ELOVL6: variants seen among roughly 807,000 people sequenced by gnomAD.
The protein encoded by ELOVL6 is ELOVL fatty acid elongase 6, also known as very long chain fatty acid elongase 6.
A neutral mutation model predicts 31.7 loss-of-function variants in ELOVL6; 8 were observed. That is an observed-to-expected ratio of 0.25 (90% confidence interval 0.15 to 0.45). ELOVL6 has a LOEUF of 0.45. Ranked by LOEUF, ELOVL6 falls within the 20% of genes least tolerant of loss-of-function variation. ELOVL6 has a pLI of 1.00. For missense variants in ELOVL6, 126 were observed against 326.4 expected (o/e 0.39, Z 4.73); for synonymous variants, 101 against 117.7 (o/e 0.86, Z 0.92).
At chr4:110,193,510 CATAAG>C (rs903561405) in intron 1 of ELOVL6, among the ~76,000 whole-genome samples, 2 of 152,062 alleles carry the variant, frequency 1.3e-5, no homozygotes, top group African/African-American at 2.4e-5. Flanking sequence ...GAGGTTGAGA[CATAAG>C]AATCACTGGA....
intron 2 of ELOVL6, among the ~76,000 whole-genome samples, chr4:110,089,686 A>T (rs1221541217): frequency 6.6e-6 from 1 of 150,438 alleles, no homozygotes; most frequent in Non-Finnish European, 1.5e-5. Context: ...AATATATGAG[A>T]TCCTTGCCCA....
At chr4:110,070,190 C>A (rs1182666439) in intron 2 of ELOVL6, among the ~76,000 whole-genome samples, 2 of 152,178 alleles carry the variant, frequency 1.3e-5, no homozygotes, top group African/African-American at 4.8e-5. Context: ...CAAATGAATA[C>A]TGATTTCAAC....
intron 1 of ELOVL6, among the ~76,000 whole-genome samples, chr4:110,171,679 CTTTTTTTTTTTT>C (rs70956406): frequency 4.5e-5 from 3 of 66,194 alleles, no homozygotes; most frequent in East Asian, 6.8e-4. Context: ...ATAATATCCT[CTTTTTTTTTTTT>C]TTTTTTTTTT....
chr4:110,179,375 A>T (rs528816684), intron 1 of ELOVL6, among the ~76,000 whole-genome samples: 1 of 151,850 alleles, frequency 6.6e-6, no homozygotes, highest in Non-Finnish European at 1.5e-5. Flanking sequence ...GTGTGGTGGC[A>T]CATGCCTGTA....
chr4:110,130,134 G>A (rs1178982118), intron 1 of ELOVL6, among the ~76,000 whole-genome samples: 2 of 151,930 alleles, frequency 1.3e-5, no homozygotes, highest in Non-Finnish European at 2.9e-5. Flanking sequence ...TTGACCTCGT[G>A]ACCCGCCCAC....
chr4:110,138,360 A>G (rs1757864905), intron 1 of ELOVL6, among the ~76,000 whole-genome samples: 1 of 152,200 alleles, frequency 6.6e-6, no homozygotes, highest in African/African-American at 2.4e-5. Flanking sequence ...TACGCTAGGT[A>G]CTGGATACAC....
chr4:110,096,003 C>T (rs56225537), intron 2 of ELOVL6, among the ~76,000 whole-genome samples: 33,984 of 148,632 alleles, frequency 0.23, 4,385 homozygotes, highest in East Asian at 0.48. Flanking sequence ...ATGTGTCAAA[C>T]GTTTGGAAAT....
rs1756138008 is a variant in ELOVL6 at position 110,084,426 on chromosome 4, C to CATATATCATATATATCACATATATG, written c.221+21070_221+21071insCATATATGTGATATATATGATATAT. Among the ~76,000 whole-genome samples the CATATATCATATATATCACATATATG allele has an allele frequency of 8.9e-5, 6 of 67,514 alleles. No individual in the cohort carries two copies. In the East Asian group the frequency reaches 1.6e-3, roughly 18 times the overall value. 44.3% of individuals were successfully genotyped at this position (67,514 alleles called of 152,430 possible). ...GATATATGACATACATGATATATCA[C>CATATATCATATATATCACATATATG]ATATATCATATATGATATATCGCAT... On this transcript the variant is annotated intron_variant, in intron 2 of 3. Coordinates refer to ENST00000302274, the MANE Select transcript of ELOVL6 (RefSeq NM_024090.3).
intron 3 of ELOVL6, among the ~76,000 whole-genome samples, chr4:110,056,672 A>C (rs572418907): frequency 4.3e-4 from 66 of 152,298 alleles, no homozygotes; most frequent in African/African-American, 1.4e-3. Flanking sequence ...CAACACTTCA[A>C]TCTCATATTT....
At chr4:110,100,865 G>T (rs1756721383) in intron 2 of ELOVL6, among the ~76,000 whole-genome samples, 1 of 152,112 alleles carries the variant, frequency 6.6e-6, no homozygotes, top group South Asian at 2.1e-4. Flanking sequence ...CCTGAGCAAA[G>T]AATTTCTATA....
chr4:110,086,568 C>T (rs1375269184), intron 2 of ELOVL6, among the ~76,000 whole-genome samples: 2 of 152,090 alleles, frequency 1.3e-5, no homozygotes, highest in African/African-American at 4.8e-5. Context: ...ACCACTCTCC[C>T]TCAGAAGTTC....
At chr4:110,066,272 A>G (rs2126224918) in intron 2 of ELOVL6, among the ~76,000 whole-genome samples, 1 of 152,216 alleles carries the variant, frequency 6.6e-6, no homozygotes, top group South Asian at 2.1e-4. Flanking sequence ...AAAACAAATT[A>G]ATCTCAAACC....
chr4:110,058,612 G>A (rs1184294208), intron 3 of ELOVL6, among the ~76,000 whole-genome samples: 1 of 152,158 alleles, frequency 6.6e-6, no homozygotes, highest in Non-Finnish European at 1.5e-5. Context: ...CAGGTGGTTT[G>A]TAAGGAAAGT....
At chr4:110,124,458 G>C (rs142867260) in intron 1 of ELOVL6, among the ~76,000 whole-genome samples, 115 of 152,248 alleles carry the variant, frequency 7.6e-4, no homozygotes, top group African/African-American at 2.6e-3. Flanking sequence ...CACAGGAACA[G>C]AAAACCAAAC....
chr4:110,198,430 C>T lies in ELOVL6; in HGVS notation c.-95G>A. On this transcript the variant is annotated 5_prime_UTR_variant, in exon 1 of 4. Coordinates refer to ENST00000302274, the MANE Select transcript of ELOVL6 (RefSeq NM_024090.3). Reference sequence around the variant, plus strand: ...CGAGTGTTCTCCTGTCTGCTTCCCCCACCCACCCCCCTAGGTCTTCCCCAC... The same window carrying T: ...CGAGTGTTCTCCTGTCTGCTTCCCCTACCCACCCCCCTAGGTCTTCCCCAC... 1.3e-6 allele frequency: 1 copy of T among 767,148 alleles called. No individual in the cohort carries two copies. The highest frequency in any genetic ancestry group is 2.2e-6 in the Non-Finnish European group (1 of 450,598). 47.5% of individuals were successfully genotyped at this position (767,148 alleles called of 1,614,324 possible).
rs570229231 is a variant in ELOVL6, at chr4:110,088,384, C to A, written c.221+17113G>T. Among the ~76,000 whole-genome samples the A allele has an allele frequency of 3.9e-5, 6 of 152,274 alleles. No individual in the cohort carries two copies. The East Asian group carries it at 7.7e-4, about 20-fold the overall frequency. On this transcript the variant is annotated intron_variant, in intron 2 of 3. Transcript: ENST00000302274. ...CACATTCCAAGACCCCTGGAGGATG[C>A]CTGAAACCCACCAATTGGGACACAT...
At chr4:110,162,475 T>C (rs1344015664) in intron 1 of ELOVL6, among the ~76,000 whole-genome samples, 1 of 152,076 alleles carries the variant, frequency 6.6e-6, no homozygotes, top group African/African-American at 2.4e-5. Context: ...GCCTTCTGAG[T>C]TGTTGAGACT....
chr4:110,196,442 G>C (rs532986131), intron 1 of ELOVL6, among the ~76,000 whole-genome samples: 1 of 152,268 alleles, frequency 6.6e-6, no homozygotes, highest in Admixed American at 6.5e-5. Flanking sequence ...CCCGCCTCCA[G>C]CACCACCCCC....
At chr4:110,186,100 G>A (rs1429683816) in intron 1 of ELOVL6, among the ~76,000 whole-genome samples, 1 of 152,130 alleles carries the variant, frequency 6.6e-6, no homozygotes, top group Non-Finnish European at 1.5e-5. Context: ...TGAGGCAGAA[G>A]AATCGCTTGA....
Sources: gnomAD v4.1 joint callset for allele counts (sites outside exome capture counted in the v4.1 genomes callset) on GRCh38, gnomAD v4.1.1 for gene constraint, MANE v1.5 for transcripts, NCBI Gene and HGNC (gene_info 2026-07-23, HGNC 2026-07-21) for gene names.